Variants in SECISBP2L observed in about 807,000 individuals in gnomAD.
The protein encoded by SECISBP2L is SECIS binding protein 2 like.
SECISBP2L carries 43 observed loss-of-function variants against 114.7 expected under a neutral mutation model. The ratio of observed to expected loss-of-function variants is 0.38; its 90% CI spans 0.29 to 0.48. The LOEUF (loss-of-function observed/expected upper bound fraction) is 0.48, where lower values mean the gene tolerates loss of function less well. SECISBP2L is among the 20% of genes least tolerant of loss of function. SECISBP2L has a pLI of 0.98. For missense variants in SECISBP2L, 1,136 were observed against 1,301.1 expected (o/e 0.87, Z 1.95); for synonymous variants, 451 against 439.7 (o/e 1.03, Z -0.32).
At chr15:49,032,462 A>G (rs1902910169) in intron 4 of SECISBP2L, among the ~76,000 whole-genome samples, 1 of 152,226 alleles carries the variant, frequency 6.6e-6, no homozygotes, top group African/African-American at 2.4e-5. Context: ...TTTTGACAAA[A>G]TGATATTTGA....
intron 13 of SECISBP2L, among the ~76,000 whole-genome samples, chr15:49,011,077 A>T (rs1902428556): frequency 6.6e-6 from 1 of 152,258 alleles, no homozygotes; most frequent in African/African-American, 2.4e-5. Context: ...TCATTTTTCT[A>T]AAAACAATGA....
At chr15:49,002,993 A>C (rs1902242426) in intron 14 of SECISBP2L, among the ~76,000 whole-genome samples, 1 of 152,208 alleles carries the variant, frequency 6.6e-6, no homozygotes, top group South Asian at 2.1e-4. Context: ...GAAGAAAGTC[A>C]ATGGTAGCTT....
chr15:49,005,743 C>T (rs1161353627), intron 14 of SECISBP2L, among the ~76,000 whole-genome samples: 3 of 151,778 alleles, frequency 2.0e-5, no homozygotes, highest in Non-Finnish European at 4.4e-5. Flanking sequence ...GGGCATTTAG[C>T]CCATTCACAT....
rs776441035 is a variant in SECISBP2L at position 49,027,358 on chromosome 15, G to C, written c.1035+7C>G. ...TAATCAATTTTCTCCAACCTAATTCGAATTACCTGTGAATTATTTCTTTGT... is the reference window on the plus strand; with the variant it reads ...TAATCAATTTTCTCCAACCTAATTCCAATTACCTGTGAATTATTTCTTTGT... On this transcript the variant is annotated splice_region_variant and intron_variant, in intron 7 of 17. Coordinates refer to ENST00000559471, the MANE Select transcript of SECISBP2L (RefSeq NM_001193489.2). The C allele has an allele frequency of 6.3e-7, 1 of 1,592,796 alleles. No homozygotes were observed. Among genetic ancestry groups the C allele is most frequent in the Non-Finnish European group, 8.6e-7 (1 of 1,163,028 alleles).
intron 6 of SECISBP2L, 140 bp downstream of exon 6, chr15:49,028,004 C>T: frequency 7.8e-6 from 6 of 765,374 alleles, no homozygotes; most frequent in Non-Finnish European, 1.3e-5. Context: ...ATCAGCAAAA[C>T]TGTACTTCCA....
intron 4 of SECISBP2L, among the ~76,000 whole-genome samples, chr15:49,032,291 T>C (rs1902906046): frequency 1.3e-5 from 2 of 152,176 alleles, no homozygotes; most frequent in Admixed American, 1.3e-4. Context: ...TGAGAGGAGA[T>C]AAACATCTAC....
chr15:48,995,145 T>C (rs1360415496), intron 17 of SECISBP2L, among the ~76,000 whole-genome samples: 23 of 152,204 alleles, frequency 1.5e-4, no homozygotes, highest in Admixed American at 1.4e-3. Flanking sequence ...TATGTGCCCA[T>C]ATCATTTGTT....
chr15:49,040,867 A>G (rs1903114765), intron 1 of SECISBP2L, among the ~76,000 whole-genome samples: 1 of 152,148 alleles, frequency 6.6e-6, no homozygotes, highest in Admixed American at 6.5e-5. Context: ...AAGTCCACAT[A>G]ATAAAGCCCA....
intron 14 of SECISBP2L, among the ~76,000 whole-genome samples, chr15:49,005,410 G>A (rs1255251955): frequency 6.6e-6 from 1 of 152,064 alleles, no homozygotes; most frequent in Non-Finnish European, 1.5e-5. Context: ...ATGAATCTGG[G>A]TGCTCTTGTA....
At position 49,037,720 on chromosome 15, in the gene SECISBP2L, CTCT is replaced by C. The variant is rs1292430156; in HGVS notation, c.71_73del (p.Lys24del). On this transcript the variant is annotated inframe_deletion, in exon 2 of 18. Transcript: ENST00000559471. The stretch of plus-strand genomic sequence containing the variant: ...CATAGGGATCATAAATGTATCAGGA[CTCT>C]TCTTCTGGGGAATAAATGGCTCCAC... The C allele has an allele frequency of 1.2e-6, 2 of 1,612,426 alleles. No homozygotes were observed. Among genetic ancestry groups the C allele is most frequent in the African/African-American group, 1.3e-5 (1 of 75,010 alleles).
chr15:49,024,838 CA>C lies in SECISBP2L; in HGVS notation c.1035+2526del, dbSNP rs1351701268. Among the ~76,000 whole-genome samples the C allele has an allele frequency of 2.0e-5, 3 of 152,270 alleles. No individual in the cohort carries two copies. The East Asian group carries it at 5.8e-4, about 29-fold the overall frequency. Reference sequence around the variant, plus strand: ...TAAGTAAAGTACAAGGATAACAAAGCATCAGAAGTAGAAAGCAAATACATTG... The same window carrying C: ...TAAGTAAAGTACAAGGATAACAAAGCTCAGAAGTAGAAAGCAAATACATTG... On this transcript the variant is annotated intron_variant, in intron 7 of 17. Coordinates refer to ENST00000559471, the MANE Select transcript of SECISBP2L (RefSeq NM_001193489.2).
chr15:49,009,430 A>G, intron 13 of SECISBP2L, 52 bp from the exon 14 acceptor site: 1 of 1,566,066 alleles, frequency 6.4e-7, no homozygotes, highest in South Asian at 1.2e-5. Context: ...AAATGCTGAA[A>G]AGTTCTACGT....
intron 7 of SECISBP2L, among the ~76,000 whole-genome samples, chr15:49,024,642 A>T (rs1442408089): frequency 2.0e-5 from 3 of 152,174 alleles, no homozygotes; most frequent in African/African-American, 7.2e-5. Context: ...AAATGCCCTG[A>T]AATATTATAT....
intron 1 of SECISBP2L, chr15:49,042,316 T>G (rs534161383): frequency 2.2e-4 from 33 of 152,528 alleles, no homozygotes; most frequent in African/African-American, 7.2e-4. Flanking sequence ...TCCATAGGTT[T>G]TTTGTTTGTT....
intron 11 of SECISBP2L, 113 bp downstream of exon 11, chr15:49,016,447 C>T (rs1902538531): frequency 3.4e-6 from 3 of 877,992 alleles, no homozygotes; most frequent in Non-Finnish European, 5.0e-6. Flanking sequence ...TATATACACA[C>T]ACACACACAT....
At chr15:49,024,228 T>C (rs1902696499) in intron 7 of SECISBP2L, among the ~76,000 whole-genome samples, 1 of 152,140 alleles carries the variant, frequency 6.6e-6, no homozygotes, top group Non-Finnish European at 1.5e-5. Context: ...CTGGGTGCCA[T>C]GGCTCACCCC....
At chr15:49,027,514 T>C in intron 6 of SECISBP2L, 34 bp from the exon 7 acceptor site, 1 of 1,378,578 alleles carries the variant, frequency 7.3e-7, no homozygotes, top group Non-Finnish European at 1.0e-6. Flanking sequence ...TATAATTTAC[T>C]TATAAAAGGT....
Position 48,992,345 on chromosome 15 carries a change from T to G in SECISBP2L, c.3205A>C (p.Thr1069Pro), listed in dbSNP as rs1396483567. The G allele has an allele frequency of 6.2e-7, 1 of 1,614,120 alleles. No individual in the cohort carries two copies. The highest frequency in any genetic ancestry group is 8.5e-7 in the Non-Finnish European group (1 of 1,180,006). ...LEPGMDSEAWTADQQASPGQQ... is the reference protein window; with the variant it reads ...LEPGMDSEAWPADQQASPGQQ... ...CCAGGACTGGCCTGCTGGTCAGCAG[T>G]CCATGCCTCACTGTCCATCCCTGGC... Residue 1069 changes from threonine to proline, a missense_variant, in exon 18 of 18, where the codon ACT (threonine) becomes CCT (proline). Physicochemically the swap from Thr to Pro is conservative, Grantham distance 38. Coordinates refer to ENST00000559471, the MANE Select transcript of SECISBP2L (RefSeq NM_001193489.2).
intron 7 of SECISBP2L, among the ~76,000 whole-genome samples, chr15:49,023,788 T>C (rs931286214): frequency 8.5e-5 from 13 of 152,166 alleles, no homozygotes; most frequent in Admixed American, 3.9e-4. Context: ...ACAGAGTAGA[T>C]ATGCTCTTTT....
Sources: allele counts gnomAD v4.1 joint callset (sites outside exome capture counted in the v4.1 genomes callset), GRCh38; gene constraint gnomAD v4.1.1; transcripts MANE v1.5; gene names NCBI Gene and HGNC (gene_info 2026-07-23, HGNC 2026-07-21).